MTUS1: variants seen among roughly 807,000 people sequenced by gnomAD.
MTUS1 encodes microtubule associated scaffold protein 1.
Under a neutral mutation model 120.8 loss-of-function variants are expected in MTUS1, and 109 were observed. The observed-to-expected ratio is 0.90, with a 90% CI of 0.77 to 1.06. The LOEUF (loss-of-function observed/expected upper bound fraction) is 1.06, where lower values mean the gene tolerates loss of function less well. Ranked by LOEUF, MTUS1 falls within the 50% of genes least tolerant of loss-of-function variation. MTUS1 has a pLI of 0.00. For missense variants in MTUS1, 2,210 were observed against 1,486.3 expected, an observed-to-expected ratio of 1.49 and a Z score of -8.01; for synonymous variants, 737 against 550.5, an observed-to-expected ratio of 1.34 and a Z score of -4.74.
At chr8:17,743,909 A>G in intron 2 of MTUS1, 110 bp from the exon 3 acceptor site, 1 of 912,904 alleles carries the variant, frequency 1.1e-6, no homozygotes, top group East Asian at 2.5e-5. Context: ...AACCTAAAAA[A>G]CAAGTTCAGG....
At chr8:17,678,748 C>A (rs376807896) in intron 7 of MTUS1, among the ~76,000 whole-genome samples, 333 of 132,814 alleles carry the variant, frequency 2.5e-3, no homozygotes, top group Middle Eastern at 4.1e-3. Flanking sequence ...ATTCCACTTG[C>A]AAAAAAAAAA....
chr8:17,661,106 A>G (rs1056285392), intron 8 of MTUS1, among the ~76,000 whole-genome samples: 21 of 152,358 alleles, frequency 1.4e-4, no homozygotes, highest in Non-Finnish European at 1.0e-4. Context: ...AAATGACTCA[A>G]GAAGTCCAAT....
intron 1 of MTUS1, among the ~76,000 whole-genome samples, chr8:17,757,068 C>T (rs2048680835): frequency 6.6e-6 from 1 of 152,106 alleles, no homozygotes; most frequent in African/African-American, 2.4e-5. Flanking sequence ...AAACATATGT[C>T]AACATGGGAA....
intron 1 of MTUS1, among the ~76,000 whole-genome samples, chr8:17,774,447 T>G (rs2050256092): frequency 6.6e-6 from 1 of 152,122 alleles, no homozygotes; most frequent in Non-Finnish European, 1.5e-5. Context: ...TTCTAAAATG[T>G]GAAGAAAAGG....
At chr8:17,785,496 G>A (rs1209894811) in intron 1 of MTUS1, among the ~76,000 whole-genome samples, 1 of 152,132 alleles carries the variant, frequency 6.6e-6, no homozygotes, top group African/African-American at 2.4e-5. Context: ...TTTGCCAAGA[G>A]GGGCACTTCA....
At chr8:17,657,799 C>CAA (rs1216051789) in intron 8 of MTUS1, among the ~76,000 whole-genome samples, 2,250 of 90,956 alleles carry the variant, frequency 0.025, 80 homozygotes, top group East Asian at 0.05. Flanking sequence ...GACCCTATCT[C>CAA]AAAAAAAAAA....
At chr8:17,666,983 A>C (rs1811055268) in intron 8 of MTUS1, among the ~76,000 whole-genome samples, 1 of 152,214 alleles carries the variant, frequency 6.6e-6, no homozygotes, top group Non-Finnish European at 1.5e-5. Flanking sequence ...TTTCGTACAC[A>C]ATAAAGTTTG....
chr8:17,709,900 G>A (rs1033651013), intron 6 of MTUS1, among the ~76,000 whole-genome samples: 4 of 151,762 alleles, frequency 2.6e-5, no homozygotes, highest in East Asian at 1.9e-4. Context: ...CCAGCTACTC[G>A]GGAGGCTGAG....
chr8:17,725,577 A>C (rs1383801271), intron 3 of MTUS1, among the ~76,000 whole-genome samples: 2 of 152,138 alleles, frequency 1.3e-5, no homozygotes, highest in African/African-American at 4.8e-5. Flanking sequence ...ATCATTGTCT[A>C]AACTGTATTG....
chr8:17,727,100 G>A (rs922324286), intron 3 of MTUS1, among the ~76,000 whole-genome samples: 1 of 151,990 alleles, frequency 6.6e-6, no homozygotes, highest in Non-Finnish European at 1.5e-5. Flanking sequence ...CCCCATCCAG[G>A]CCCATCCCCT....
chr8:17,677,196 C>T (rs932787548), intron 7 of MTUS1, among the ~76,000 whole-genome samples: 4 of 151,976 alleles, frequency 2.6e-5, no homozygotes, highest in Non-Finnish European at 4.4e-5. Flanking sequence ...AAAATCAGCC[C>T]GCATAATAAT....
Position 17,792,851 on chromosome 8 carries a change from G to A in MTUS1, c.-155+8210C>T, listed in dbSNP as rs570065607. ...TGTCCTCCAGCCTGTGACACAGCAA[G>A]ACTCTGTCTCAAAAAAAATCTGAAA... is the stretch of plus-strand genomic sequence containing the variant. On this transcript the variant is annotated intron_variant, in intron 1 of 14. Transcript: ENST00000693296. Among the ~76,000 whole-genome samples, 21 of 152,338 alleles carry A rather than the reference G, an allele frequency of 1.4e-4. No individual in the cohort carries two copies. The South Asian group carries it at 4.1e-3, about 30-fold the overall frequency.
intron 7 of MTUS1, among the ~76,000 whole-genome samples, chr8:17,683,935 A>T (rs796589849): frequency 8.5e-5 from 13 of 152,352 alleles, no homozygotes; most frequent in African/African-American, 3.1e-4. Context: ...TCTTTAATCC[A>T]TAAATATAAC....
intron 1 of MTUS1, among the ~76,000 whole-genome samples, chr8:17,782,181 G>C (rs2050923310): frequency 6.6e-6 from 1 of 152,132 alleles, no homozygotes; most frequent in South Asian, 2.1e-4. Flanking sequence ...TAAATGTCAT[G>C]TCCATTCATA....
At chr8:17,707,894 T>G (rs1201601594) in intron 6 of MTUS1, among the ~76,000 whole-genome samples, 1 of 152,236 alleles carries the variant, frequency 6.6e-6, no homozygotes, top group East Asian at 1.9e-4. Context: ...CTTCAACACC[T>G]GGATGTCCAT....
chr8:17,741,460 A>C (rs1586084393), intron 3 of MTUS1, among the ~76,000 whole-genome samples: 1 of 152,182 alleles, frequency 6.6e-6, no homozygotes, highest in East Asian at 1.9e-4. Context: ...AAACGTAATT[A>C]GTTTTTAACT....
chr8:17,724,967 G>A (rs1001005587), intron 3 of MTUS1, among the ~76,000 whole-genome samples: 2 of 152,064 alleles, frequency 1.3e-5, no homozygotes, highest in African/African-American at 4.8e-5. Context: ...TGTTGCCCAG[G>A]CTGGTCTCAA....
intron 1 of MTUS1, among the ~76,000 whole-genome samples, chr8:17,776,201 T>C (rs976647108): frequency 2.6e-5 from 4 of 152,180 alleles, no homozygotes; most frequent in Admixed American, 2.6e-4. Context: ...TGTATTTACA[T>C]AGCACTTACA....
Position 17,723,714 on chromosome 8 carries a change from T to C in MTUS1, c.2407A>G (p.Ile803Val), listed in dbSNP as rs1272221783. ...ALRRTGSTPS[I>V]ASTHSELSTY... ...CTCAGCTCACTGTGGGTGCTGGCTA[T>C]TGAGGGGGTGCTTCCTGTCCTCCGC... The change falls in exon 4 of 15, where the codon ATA becomes GTA. Residue 803 changes from isoleucine (I) to valine (V), a missense_variant. Physicochemically the swap from Ile to Val is conservative, Grantham distance 29 (BLOSUM62 3). Coordinates refer to ENST00000693296, the MANE Select transcript of MTUS1 (RefSeq NM_001363059.2). The C allele has an allele frequency of 8.7e-6, 14 of 1,610,912 alleles. No homozygotes were observed. In the East Asian group the frequency reaches 2.7e-4, roughly 31 times the overall value.
Sources: allele counts gnomAD v4.1 joint callset (sites outside exome capture counted in the v4.1 genomes callset), GRCh38; gene constraint gnomAD v4.1.1; transcripts MANE v1.5; gene names NCBI Gene and HGNC (gene_info 2026-07-23, HGNC 2026-07-21).